The following ADAM20 variants were observed in gnomAD, a reference collection of about 807,000 sequenced individuals.
ADAM20 encodes the protein disintegrin and metalloproteinase domain-containing protein 20.
For missense variants in ADAM20, 871 were observed against 883.2 expected (o/e 0.99, Z 0.18); for synonymous variants, 305 against 310.2 (o/e 0.98, Z 0.18).
chr14:70,564,822 A>G, the ADAM20 span, among the ~76,000 whole-genome samples: 1 of 147,246 alleles, frequency 6.8e-6, no homozygotes, highest in South Asian at 2.2e-4. Flanking sequence ...TGAAGTGGGA[A>G]GACTGCTTGA....
chr14:70,573,262 G>T, the ADAM20 span, among the ~76,000 whole-genome samples: 1 of 152,142 alleles, frequency 6.6e-6, no homozygotes, highest in Non-Finnish European at 1.5e-5. Flanking sequence ...CATAAAAAAT[G>T]AGATTGTGTC....
chr14:70,576,258 T>C, the ADAM20 span, among the ~76,000 whole-genome samples: 28 of 152,110 alleles, frequency 1.8e-4, no homozygotes, highest in Non-Finnish European at 3.2e-4. Context: ...CAACTATCAA[T>C]GCAACTGTCA....
the ADAM20 span, among the ~76,000 whole-genome samples, chr14:70,579,031 A>C: frequency 1.6e-4 from 24 of 152,130 alleles, no homozygotes; most frequent in African/African-American, 5.8e-4. Flanking sequence ...ATTCACTTTT[A>C]TGGCTGCATA....
the ADAM20 span, among the ~76,000 whole-genome samples, chr14:70,571,755 G>T: frequency 3.0e-4 from 45 of 152,114 alleles, 1 homozygote; most frequent in Non-Finnish European, 6.0e-4. Flanking sequence ...TCATCCAAAA[G>T]ACTCCTAGAC....
chr14:70,560,235 G>C, the ADAM20 span, among the ~76,000 whole-genome samples: 1 of 152,122 alleles, frequency 6.6e-6, no homozygotes, highest in Admixed American at 6.5e-5. Flanking sequence ...TACTAAAACA[G>C]AAAGGAAATA....
the ADAM20 span, among the ~76,000 whole-genome samples, chr14:70,569,837 C>A: frequency 1.3e-4 from 17 of 126,804 alleles, no homozygotes; most frequent in South Asian, 4.6e-3. Context: ...TGGGGGACTT[C>A]ACTACCCCAC....
chr14:70,561,849 T>C, the ADAM20 span, among the ~76,000 whole-genome samples: 1 of 152,182 alleles, frequency 6.6e-6, no homozygotes, highest in East Asian at 1.9e-4. Flanking sequence ...TATCAGAGGA[T>C]GTATGGAAAT....
chr14:70,524,304 CAG>C lies in ADAM20; in HGVS notation c.452_453del (p.Ser151CysfsTer4), dbSNP rs769471419. The part of the protein sequence containing the change: ...LVYEIKPISV[S>X]ATFEHLVYKI... ...TTATATACTAGGTGTTCAAATGTGGCAGAAACACTAATTGGCTTGATTTCATA... is the reference window on the plus strand; with the variant it reads ...TTATATACTAGGTGTTCAAATGTGGCAAACACTAATTGGCTTGATTTCATA... On this transcript the variant is annotated frameshift_variant, in exon 2 of 2. Transcript: ENST00000256389. LOFTEE classifies it low-confidence loss of function (END_TRUNC). The C allele has an allele frequency of 1.4e-5, 23 of 1,613,872 alleles. No homozygotes were observed. Among genetic ancestry groups the C allele is most frequent in the Non-Finnish European group, 1.9e-5 (23 of 1,179,950 alleles).
chr14:70,573,899 G>C, the ADAM20 span, among the ~76,000 whole-genome samples: 1 of 152,198 alleles, frequency 6.6e-6, no homozygotes, highest in Admixed American at 6.5e-5. Context: ...AGAACAAAGA[G>C]GAAAGTAGAT....
chr14:70,578,238 G>A, the ADAM20 span, among the ~76,000 whole-genome samples: 7 of 152,058 alleles, frequency 4.6e-5, no homozygotes. Flanking sequence ...AATAAATGCT[G>A]GGGAAAGGAT....
chr14:70,566,066 C>A, the ADAM20 span, among the ~76,000 whole-genome samples: 3 of 152,030 alleles, frequency 2.0e-5, no homozygotes, highest in Non-Finnish European at 4.4e-5. Flanking sequence ...AAAAACGCTA[C>A]ATGAAGTTGC....
chr14:70,527,973 C>T lies in ADAM20; in HGVS notation c.-176-3040G>A, dbSNP rs188387856. On this transcript the variant is annotated intron_variant, in intron 1 of 1. Transcript: ENST00000256389. ...TATCCTTCAATGTTTAGATTAAATT[C>T]AACTTCTGCTTTGCATCATTAATAT... Among the ~76,000 whole-genome samples, 18 of 152,304 alleles carry T rather than the reference C, an allele frequency of 1.2e-4. 1 individual carries two copies. Among genetic ancestry groups the T allele is most frequent in the Admixed American group, 1.2e-3 (18 of 15,290 alleles).
the ADAM20 span, among the ~76,000 whole-genome samples, chr14:70,563,837 C>G: frequency 2.0e-5 from 3 of 152,240 alleles, no homozygotes; most frequent in African/African-American, 7.2e-5. Context: ...GCTTCTAGTA[C>G]AGCCTGCAGT....
the ADAM20 span, among the ~76,000 whole-genome samples, chr14:70,554,664 A>G: frequency 1.3e-5 from 2 of 152,338 alleles, no homozygotes; most frequent in South Asian, 4.1e-4. Flanking sequence ...CAGAAAAACA[A>G]ATACTGCTTG....
the ADAM20 span, among the ~76,000 whole-genome samples, chr14:70,564,630 T>C: frequency 2.7e-5 from 4 of 150,270 alleles, no homozygotes; most frequent in Non-Finnish European, 3.0e-5. Flanking sequence ...AGATTAATCA[T>C]CCTAAAGAAG....
chr14:70,537,958 G>GTACCCC (rs554777506), upstream of ADAM20, among the ~76,000 whole-genome samples: 28 of 152,184 alleles, frequency 1.8e-4, no homozygotes, highest in East Asian at 5.4e-3. Context: ...TGTCAAGCTT[G>GTACCCC]TACCCCTCAT....
chr14:70,531,250 GATAAAAATT>G (rs1179984526), intron 1 of ADAM20, among the ~76,000 whole-genome samples: 6 of 152,018 alleles, frequency 3.9e-5, no homozygotes, highest in Admixed American at 3.9e-4. Context: ...CAGGCAGAAG[GATAAAAATT>G]ACATGATCAT....
At chr14:70,559,793 G>T in the ADAM20 span, among the ~76,000 whole-genome samples, 2 of 152,120 alleles carry the variant, frequency 1.3e-5, no homozygotes, top group East Asian at 1.9e-4. Flanking sequence ...TTTGACCTGT[G>T]TAGATGGAGG....
chr14:70,569,475 G>C, the ADAM20 span, among the ~76,000 whole-genome samples: 3 of 152,086 alleles, frequency 2.0e-5, no homozygotes, highest in Non-Finnish European at 2.9e-5. Flanking sequence ...AAGACACAGA[G>C]TGGCAAATTG....
Sources: allele counts gnomAD v4.1 joint callset (sites outside exome capture counted in the v4.1 genomes callset), GRCh38; gene constraint gnomAD v4.1.1; transcripts MANE v1.5; gene names NCBI Gene and HGNC (gene_info 2026-07-23, HGNC 2026-07-21).